FAT1: variants seen among roughly 807,000 people sequenced by gnomAD.
FAT1 encodes the protein FAT atypical cadherin 1.
A neutral mutation model predicts 329.8 loss-of-function variants in FAT1; 171 were observed. The observed-to-expected ratio is 0.52, with a 90% CI of 0.46 to 0.59. The LOEUF is 0.59. Ranked by LOEUF, FAT1 falls within the 20% of genes least tolerant of loss-of-function variation. FAT1 has a pLI of 0.00. For synonymous variants in FAT1, 2,233 were observed against 2,228.6 expected, an observed-to-expected ratio of 1.00 and a Z score of -0.06; for missense variants, 5,672 against 5,774.4, an observed-to-expected ratio of 0.98 and a Z score of 0.57.
chr4:186,620,324 C>T lies in FAT1; in HGVS notation c.6262G>A (p.Ala2088Thr), dbSNP rs759187154. 7 of 1,613,944 alleles carry T rather than the reference C, an allele frequency of 4.3e-6. No individual in the cohort carries two copies. The highest frequency in any genetic ancestry group is 1.3e-5 in the African/African-American group (1 of 75,026). ...ACCTCAGTGTCCACTTTAACAACGGCGTAGTAGGGAAGGTTGACAAACACC... is the reference window on the plus strand; with the variant it reads ...ACCTCAGTGTCCACTTTAACAACGGTGTAGTAGGGAAGGTTGACAAACACC... The part of the protein sequence containing the change: ...APVFVNLPYY[A>T]VVKVDTEVGH... Residue 2088 changes from alanine to threonine, a missense_variant, in exon 10 of 27, where the codon GCC becomes ACC. Transcript: ENST00000441802.
Position 186,708,133 on chromosome 4 carries a change from GT to G in FAT1, c.1694del (p.Asn565ThrfsTer8), listed in dbSNP as rs1298946101. On this transcript the variant is annotated frameshift_variant, in exon 2 of 27. Transcript: ENST00000441802. LOFTEE classifies it high-confidence loss of function. ...AATTTATTTTCTCAAACAAAGGTGT[GT>G]TGTCATTCAAGTTATTGAGAGTAAT... Reference protein sequence around the residue: ...ATITLNNLNDNTPLFEKINCE... With the variant: ...ATITLNNLNDXTPLFEKINCE... The G allele has an allele frequency of 6.2e-7, 1 of 1,613,858 alleles. No individual in the cohort carries two copies. Among genetic ancestry groups the G allele is most frequent in the African/African-American group, 1.3e-5 (1 of 74,896 alleles).
Position 186,723,678 on chromosome 4 carries a change from G to GA in FAT1, c.-34dup. 2.0e-5 allele frequency: 3 copies of GA among 151,242 alleles called. No homozygotes were observed. In the East Asian group the frequency reaches 5.9e-4, roughly 30 times the overall value. The allele number at this position is 151,242 out of a possible 1,614,324, so 9.4% of individuals were successfully genotyped here. On this transcript the variant is annotated 5_prime_UTR_variant, in exon 1 of 27. Coordinates refer to ENST00000441802, the MANE Select transcript of FAT1 (RefSeq NM_005245.4). Reference sequence around the variant, plus strand: ...AGCGAACTAACCGCAAAGTTGGCCCGAAGTGGCGACGGCGCTCTCGTGGAG... The same window carrying GA: ...AGCGAACTAACCGCAAAGTTGGCCCGAAAGTGGCGACGGCGCTCTCGTGGAG...
chr4:186,633,090 T>C (rs1404914634), intron 7 of FAT1, among the ~76,000 whole-genome samples: 1 of 152,158 alleles, frequency 6.6e-6, no homozygotes, highest in Non-Finnish European at 1.5e-5. Flanking sequence ...ATATTCCTTC[T>C]GTACACTCCA....
At chr4:186,643,264 C>G (rs1056646254) in intron 3 of FAT1, among the ~76,000 whole-genome samples, 34 of 152,154 alleles carry the variant, frequency 2.2e-4, no homozygotes, top group Non-Finnish European at 4.4e-5. Flanking sequence ...CCGGTCTACT[C>G]AGGAGGCATA....
chr4:186,624,944 T>C (rs1740227728), intron 9 of FAT1, among the ~76,000 whole-genome samples: 1 of 152,238 alleles, frequency 6.6e-6, no homozygotes, highest in Non-Finnish European at 1.5e-5. Flanking sequence ...ATAATTTTTA[T>C]ATTACCAAAA....
Position 186,632,805 on chromosome 4 carries a change from G to A in FAT1, c.4323+879C>T, listed in dbSNP as rs143887646. Reference sequence around the variant, plus strand: ...AGTACTTAAAACAGGATAATCTAACGCTAGAAAATTTCAAACTCAGATGCA... The same window carrying A: ...AGTACTTAAAACAGGATAATCTAACACTAGAAAATTTCAAACTCAGATGCA... On this transcript the variant is annotated intron_variant, in intron 7 of 26. Transcript: ENST00000441802. 3.7e-4 allele frequency among the ~76,000 whole-genome samples: 56 copies of A among 152,252 alleles called. No individual in the cohort carries two copies. In the East Asian group the frequency reaches 8.7e-3, roughly 24 times the overall value.
Position 186,621,213 on chromosome 4 carries a change from T to A in FAT1, c.5373A>T (p.Pro1791=). The A allele has an allele frequency of 6.2e-7, 1 of 1,614,040 alleles. No homozygotes were observed. The highest frequency in any genetic ancestry group is 8.5e-7 in the Non-Finnish European group (1 of 1,179,894). ...NSVVLTDRNV[P]LVIRAADADK... ...CAGCATCAGCTGCTCGAATCACCAG[T>A]GGGACATTCCTGTCTGTTAGGACCA... Residue 1791 remains proline, a synonymous_variant, in exon 10 of 27, where the codon CCA becomes CCT. Transcript: ENST00000441802.
rs201798649 is a variant in FAT1 at position 186,628,482 on chromosome 4, G to A, written c.4599+6C>T. The A allele has an allele frequency of 5.5e-4, 889 of 1,613,836 alleles. 8 individuals carry two copies. Among genetic ancestry groups the A allele is most frequent in the South Asian group, 4.7e-3 (429 of 91,070 alleles). ...ATGGTGGGAGGAGAGCGGGTAGAGC[G>A]CCTACCATGACCGTGAGGGTGTGCT... is the stretch of plus-strand genomic sequence containing the variant. On this transcript the variant is annotated splice_donor_region_variant and intron_variant, in intron 8 of 26. Transcript: ENST00000441802.
rs2126706761 is a variant in FAT1, at chr4:186,709,794, G to A, written c.34C>T (p.Leu12Phe). The A allele has an allele frequency of 6.2e-7, 1 of 1,608,804 alleles. No individual in the cohort carries two copies. Reference protein sequence around the residue: ...GRHLALLLLLLLLFQHFGDSD... With the variant: ...GRHLALLLLLFLLFQHFGDSD... ...TCTCCAAAATGTTGGAAGAGAAGGA[G>A]CAGAAGCAGGAGCAAAGCCAAATGT... The change falls in exon 2 of 27, where the codon CTC (leucine) becomes TTC (phenylalanine). Residue 12 changes from leucine to phenylalanine, a missense_variant. Around this residue, in one of 2 missense-constraint regions of FAT1, gnomAD observed 3,966 missense variants for 3,915.2 expected, o/e 1.01. Coordinates refer to ENST00000441802, the MANE Select transcript of FAT1 (RefSeq NM_005245.4).
intron 1 of FAT1, among the ~76,000 whole-genome samples, chr4:186,712,462 T>C (rs754409412): frequency 1.3e-5 from 2 of 152,336 alleles, no homozygotes; most frequent in South Asian, 4.1e-4. Flanking sequence ...ATCTACTATG[T>C]ATCAGGTGCA....
In FAT1 at chr4:186,603,656, C is replaced by T. The variant is rs2126431398; in HGVS notation, c.10870G>A (p.Val3624Met). ...CTGATATGCACTGTGATGTCGGCCACCGTCGTGAACTTCCCATCTGTTACG... is the reference window on the plus strand; with the variant it reads ...CTGATATGCACTGTGATGTCGGCCATCGTCGTGAACTTCCCATCTGTTACG... ...VSVTDGKFTT[V>M]ADITVHIRQV... Residue 3624 changes from valine to methionine, a missense_variant, in exon 19 of 27, where the codon GTG becomes ATG. Physicochemically the swap from Val to Met is conservative, Grantham distance 21. This residue lies in a region of FAT1 where 1,706 missense variants were observed against 1,859.1 expected (regional missense o/e 0.92). Coordinates refer to ENST00000441802, the MANE Select transcript of FAT1 (RefSeq NM_005245.4). The T allele has an allele frequency of 6.2e-7, 1 of 1,613,980 alleles. No individual in the cohort carries two copies. Among genetic ancestry groups the T allele is most frequent in the Non-Finnish European group, 8.5e-7 (1 of 1,179,886 alleles).
intron 9 of FAT1, 21 bp downstream of exon 9, chr4:186,628,133 C>A (rs781509105): frequency 6.2e-7 from 1 of 1,609,360 alleles, no homozygotes; most frequent in Non-Finnish European, 8.5e-7. Flanking sequence ...TTTAAAATGC[C>A]ACTGAAGGCT....
At chr4:186,602,805 C>T (rs1362722082) in intron 20 of FAT1, 98 bp downstream of exon 20, 1 of 1,294,764 alleles carries the variant, frequency 7.7e-7, no homozygotes, top group Non-Finnish European at 1.1e-6. Flanking sequence ...AATAAACATA[C>T]TTTGCAATAT....
intron 3 of FAT1, among the ~76,000 whole-genome samples, chr4:186,642,392 T>G (rs557078112): frequency 1.3e-5 from 2 of 152,352 alleles, no homozygotes; most frequent in Admixed American, 1.3e-4. Context: ...ACAGTGGCTG[T>G]CTTTCTTGCA....
chr4:186,665,033 T>C (rs1332714664), intron 2 of FAT1, among the ~76,000 whole-genome samples: 2 of 152,246 alleles, frequency 1.3e-5, no homozygotes, highest in African/African-American at 4.8e-5. Context: ...ATGATAATTA[T>C]ATCTAATACT....
chr4:186,648,764 C>T (rs1287868718), intron 3 of FAT1, among the ~76,000 whole-genome samples: 1 of 152,106 alleles, frequency 6.6e-6, no homozygotes, highest in East Asian at 1.9e-4. Flanking sequence ...TGCCAACCCC[C>T]CTTCTTCCCG....
chr4:186,628,979 G>T (rs1024513841), intron 7 of FAT1, among the ~76,000 whole-genome samples: 3 of 152,180 alleles, frequency 2.0e-5, no homozygotes, highest in African/African-American at 7.2e-5. Flanking sequence ...TGACCTTTCT[G>T]CATTCTTATA....
At chr4:186,696,338 T>C (rs1011773110) in intron 2 of FAT1, among the ~76,000 whole-genome samples, 3 of 152,240 alleles carry the variant, frequency 2.0e-5, no homozygotes, top group Admixed American at 1.3e-4. Context: ...CTGATTTCCA[T>C]TTTGTTGCCT....
At chr4:186,725,800 G>A (rs568816570), upstream of FAT1, among the ~76,000 whole-genome samples, 41 of 152,176 alleles carry the variant, frequency 2.7e-4, no homozygotes, top group Non-Finnish European at 5.1e-4. The surrounding 1 kb of genome is among the most constrained non-coding windows in gnomAD (Gnocchi z 5.4). Flanking sequence ...GGGGGTTGGG[G>A]AGACGGTTCC....
Sources: gnomAD v4.1 joint callset for allele counts (sites outside exome capture counted in the v4.1 genomes callset) on GRCh38, gnomAD v4.1.1 for gene constraint, gnomAD v4.1.1 regional missense constraint, Gnocchi (gnomAD v3.1) non-coding constraint, MANE v1.5 for transcripts, NCBI Gene and HGNC (gene_info 2026-07-23, HGNC 2026-07-21) for gene names.